Variants in PSPH observed in about 807,000 individuals in gnomAD.
PSPH encodes the protein phosphoserine phosphatase.
Under a neutral mutation model 23.4 loss-of-function variants are expected in PSPH, and 16 were observed. The observed-to-expected ratio is 0.68, with a 90% CI of 0.46 to 1.04. PSPH has a LOEUF of 1.04. PSPH is among the 50% of genes least tolerant of loss of function. The pLI, the probability that PSPH is intolerant of heterozygous loss-of-function variation, is 0.00. For missense variants in PSPH, 223 were observed against 273.7 expected, an observed-to-expected ratio of 0.81 and a Z score of 1.31; for synonymous variants, 68 against 99.7, an observed-to-expected ratio of 0.68 and a Z score of 1.89.
At chr7:56,017,750 C>G (rs182937268) in intron 5 of PSPH, among the ~76,000 whole-genome samples, 59 of 140,934 alleles carry the variant, frequency 4.2e-4, no homozygotes, top group Non-Finnish European at 7.5e-4. Context: ...TGGAGTCTCC[C>G]TCTGTCTCTG....
chr7:56,014,899 C>A (rs147494187), intron 7 of PSPH, 124 bp downstream of exon 7: 12 of 1,022,140 alleles, frequency 1.2e-5, no homozygotes, highest in Admixed American at 3.0e-5. Flanking sequence ...GCTGAGATCA[C>A]GCCACTGCAC....
At chr7:56,035,184 T>C (rs1391575193) in intron 1 of PSPH, among the ~76,000 whole-genome samples, 1 of 151,924 alleles carries the variant, frequency 6.6e-6, no homozygotes, top group Non-Finnish European at 1.5e-5. Flanking sequence ...CCAGCAAAAA[T>C]ACAAAAATTA....
At chr7:56,032,653 CAAA>C (rs71015165) in intron 2 of PSPH, among the ~76,000 whole-genome samples, 7 of 80,590 alleles carry the variant, frequency 8.7e-5, no homozygotes, top group African/African-American at 2.2e-4. Flanking sequence ...GAGCGAGTCT[CAAA>C]AAAAAAAAAA....
At position 56,011,604 on chromosome 7, in the gene PSPH, AGC is replaced by A; in HGVS notation, c.*156_*157del. The A allele has an allele frequency of 1.2e-5, 7 of 569,578 alleles. No individual in the cohort carries two copies. The highest frequency in any genetic ancestry group is 4.5e-5 in the South Asian group (2 of 44,284). The allele number at this position is 569,578 out of a possible 1,614,324, so 35.3% of individuals were successfully genotyped here. A position where few individuals can be genotyped will look rare whatever the true frequency, so the allele number is the denominator to read the frequency against. On this transcript the variant is annotated 3_prime_UTR_variant, in exon 8 of 8. Transcript: ENST00000275605. ...GAACTACAGTTAAAAAAAAAAAAAAAGCAATCTTCTAGGATTCCTAACTGTAG... is the reference window on the plus strand; with the variant it reads ...GAACTACAGTTAAAAAAAAAAAAAAAAATCTTCTAGGATTCCTAACTGTAG...
At chr7:56,034,443 G>T (rs535552986) in intron 1 of PSPH, among the ~76,000 whole-genome samples, 2 of 152,192 alleles carry the variant, frequency 1.3e-5, no homozygotes, top group African/African-American at 4.8e-5. Context: ...CCGTCGGGGG[G>T]CCTCTTTTGA....
intron 1 of PSPH, among the ~76,000 whole-genome samples, chr7:56,034,381 T>C (rs1206161230): frequency 6.6e-6 from 1 of 152,120 alleles, no homozygotes; most frequent in African/African-American, 2.4e-5. Flanking sequence ...AGGATAAGGA[T>C]AGGTGAGGGA....
chr7:56,031,249 CAAAA>C (rs1188682666), intron 3 of PSPH, among the ~76,000 whole-genome samples: 2 of 149,780 alleles, frequency 1.3e-5, no homozygotes, highest in African/African-American at 4.9e-5. Flanking sequence ...AACAAACAAA[CAAAA>C]AAAACTGAGG....
chr7:56,042,001 T>A (rs1792610618), intron 1 of PSPH, among the ~76,000 whole-genome samples: 1 of 151,066 alleles, frequency 6.6e-6, no homozygotes, highest in African/African-American at 2.4e-5. Context: ...GGCTGGTGGA[T>A]CACCTGAGGT....
chr7:56,029,339 G>A (rs1437769095), intron 3 of PSPH, among the ~76,000 whole-genome samples: 1 of 151,996 alleles, frequency 6.6e-6, no homozygotes, highest in Admixed American at 6.6e-5. Context: ...GGCCAGGGTA[G>A]AAGACATGCC....
In PSPH at chr7:56,024,657, A is replaced by C. The variant is rs1259843732; in HGVS notation, c.-19-3426T>G. On this transcript the variant is annotated intron_variant, in intron 3 of 7. Coordinates refer to ENST00000275605, the MANE Select transcript of PSPH (RefSeq NM_004577.4). ...TAGCTACTCAGGAGGGTGAGGCAGA[A>C]GGATTGCTTGAGCACAGGAGTTTGA... is the stretch of plus-strand genomic sequence containing the variant. 4.6e-5 allele frequency among the ~76,000 whole-genome samples: 7 copies of C among 151,878 alleles called. No individual in the cohort carries two copies. In the East Asian group the frequency reaches 1.4e-3, roughly 30 times the overall value.
intron 4 of PSPH, chr7:56,019,944 A>C: frequency 1.5e-6 from 1 of 671,414 alleles, no homozygotes; most frequent in South Asian, 1.6e-5. Context: ...GGCTGGGTGC[A>C]GTGACTCATG....
intron 3 of PSPH, among the ~76,000 whole-genome samples, chr7:56,026,340 G>T (rs1790182958): frequency 2.0e-5 from 3 of 151,308 alleles, no homozygotes; most frequent in Admixed American, 6.6e-5. Context: ...GCCGGGCATG[G>T]TGGCAGGCAC....
At chr7:56,035,871 C>T (rs191374507) in intron 1 of PSPH, among the ~76,000 whole-genome samples, 2,710 of 152,010 alleles carry the variant, frequency 0.018, 54 homozygotes, top group Admixed American at 0.047. Context: ...CTGCCCACCT[C>T]GGCCTCCCAA....
Position 56,024,206 on chromosome 7 carries a change from C to T in PSPH, c.-19-2975G>A, listed in dbSNP as rs573531202. 4.0e-5 allele frequency among the ~76,000 whole-genome samples: 6 copies of T among 151,858 alleles called. No individual in the cohort carries two copies. In the South Asian group the frequency reaches 1.0e-3, roughly 26 times the overall value. ...CTGGGATTACAAGCGTGAGCCACCG[C>T]GCCCGGCCTACTTTACTTTTTTTGA... is the stretch of plus-strand genomic sequence containing the variant. On this transcript the variant is annotated intron_variant, in intron 3 of 7. Transcript: ENST00000275605.
At chr7:56,026,228 C>T (rs1173101854) in intron 3 of PSPH, among the ~76,000 whole-genome samples, 1 of 152,042 alleles carries the variant, frequency 6.6e-6, no homozygotes, top group East Asian at 1.9e-4. Context: ...GTAATCTCAG[C>T]ACTTTGGGAG....
At chr7:56,013,131 A>G (rs894924418) in intron 7 of PSPH, among the ~76,000 whole-genome samples, 1 of 142,926 alleles carries the variant, frequency 7.0e-6, no homozygotes, top group Admixed American at 7.3e-5. Context: ...ACACACACAT[A>G]TATATACGTA....
intron 1 of PSPH, among the ~76,000 whole-genome samples, chr7:56,044,524 A>G (rs35210477): frequency 0.044 from 6,627 of 152,268 alleles, 260 homozygotes; most frequent in East Asian, 0.2. Flanking sequence ...ATAATAACCG[A>G]GAGTTAAAAG....
chr7:56,037,519 A>G (rs533471335), intron 1 of PSPH, among the ~76,000 whole-genome samples: 2 of 151,928 alleles, frequency 1.3e-5, no homozygotes, highest in African/African-American at 4.8e-5. Context: ...CCTGGGCTCA[A>G]GCAATCTTCC....
chr7:56,022,122 G>C (rs1584416234), intron 3 of PSPH, among the ~76,000 whole-genome samples: 1 of 152,066 alleles, frequency 6.6e-6, no homozygotes, highest in African/African-American at 2.4e-5. Flanking sequence ...GAGGCCAGGA[G>C]TTCAAGACCA....
Sources: allele counts gnomAD v4.1 joint callset (sites outside exome capture counted in the v4.1 genomes callset), GRCh38; gene constraint gnomAD v4.1.1; transcripts MANE v1.5; gene names NCBI Gene and HGNC (gene_info 2026-07-23, HGNC 2026-07-21).